EXOC6B: variants seen among roughly 807,000 people sequenced by gnomAD.
The protein encoded by EXOC6B is exocyst complex component 6B, also known as SEC15 homolog B.
Under a neutral mutation model 113.5 loss-of-function variants are expected in EXOC6B, and 54 were observed. That is an observed-to-expected ratio of 0.48 (90% CI 0.38 to 0.60). The LOEUF is 0.60. Ranked by LOEUF, EXOC6B falls within the 20% of genes least tolerant of loss-of-function variation. The pLI is 0.00. For missense variants in EXOC6B, 797 were observed against 977.5 expected (o/e 0.82, Z 2.46); for synonymous variants, 357 against 339.0 (o/e 1.05, Z -0.58).
At chr2:72,783,245 G>T (rs1388221304) in intron 1 of EXOC6B, among the ~76,000 whole-genome samples, 7 of 145,872 alleles carry the variant, frequency 4.8e-5, no homozygotes, top group Non-Finnish European at 7.5e-5. Flanking sequence ...TATATCCATG[G>T]TTTTGATTGC....
intron 19 of EXOC6B, among the ~76,000 whole-genome samples, chr2:72,357,074 G>A (rs114482716): frequency 0.013 from 1,962 of 152,238 alleles, 52 homozygotes; most frequent in African/African-American, 0.045. Flanking sequence ...TGTGTGAATT[G>A]TTGACTTCTG....
At chr2:72,601,481 A>C (rs1417650538) in intron 6 of EXOC6B, among the ~76,000 whole-genome samples, 1 of 152,124 alleles carries the variant, frequency 6.6e-6, no homozygotes, top group Non-Finnish European at 1.5e-5. Context: ...CACCGCGCCC[A>C]GCCTGTATGG....
At chr2:72,807,020 A>C (rs1685619048) in intron 1 of EXOC6B, among the ~76,000 whole-genome samples, 1 of 152,086 alleles carries the variant, frequency 6.6e-6, no homozygotes, top group Non-Finnish European at 1.5e-5. Flanking sequence ...GAAACTCTTT[A>C]GTTTAATTAG....
chr2:72,791,028 G>A (rs528313204), intron 1 of EXOC6B, among the ~76,000 whole-genome samples: 3 of 152,028 alleles, frequency 2.0e-5, no homozygotes, highest in East Asian at 1.9e-4. Context: ...AGTATTCTAC[G>A]GCATTACAGA....
intron 16 of EXOC6B, among the ~76,000 whole-genome samples, chr2:72,486,794 C>T (rs1356880061): frequency 6.6e-6 from 1 of 152,030 alleles, no homozygotes; most frequent in African/African-American, 2.4e-5. Flanking sequence ...TCTGCTACAT[C>T]ACCCATTTTT....
At chr2:72,484,256 C>T (rs763580993) in intron 16 of EXOC6B, among the ~76,000 whole-genome samples, 1 of 151,592 alleles carries the variant, frequency 6.6e-6, no homozygotes, top group Non-Finnish European at 1.5e-5. Flanking sequence ...TTGACCCGTA[C>T]TCTTAAAGAT....
intron 1 of EXOC6B, among the ~76,000 whole-genome samples, chr2:72,816,362 T>A (rs1368859604): frequency 6.6e-6 from 1 of 152,140 alleles, no homozygotes; most frequent in African/African-American, 2.4e-5. Flanking sequence ...CTCTATATAC[T>A]GATATGGACA....
intron 16 of EXOC6B, among the ~76,000 whole-genome samples, chr2:72,491,853 T>TA (rs1699761413): frequency 6.6e-6 from 1 of 152,132 alleles, no homozygotes; most frequent in Admixed American, 6.6e-5. Context: ...CTTTCATACA[T>TA]ATGAGATATC....
intron 18 of EXOC6B, among the ~76,000 whole-genome samples, chr2:72,390,862 G>A (rs1020611098): frequency 1.3e-5 from 2 of 152,124 alleles, no homozygotes; most frequent in African/African-American, 4.8e-5. Flanking sequence ...TTGTTTGTTT[G>A]ATTGTTTGTC....
chr2:72,459,407 G>C (rs554889671), intron 18 of EXOC6B, among the ~76,000 whole-genome samples: 31 of 152,302 alleles, frequency 2.0e-4, no homozygotes, highest in Non-Finnish European at 3.5e-4. Flanking sequence ...AAAAGAGGAA[G>C]TCAAATTGTC....
intron 19 of EXOC6B, among the ~76,000 whole-genome samples, chr2:72,365,019 T>C (rs1192357057): frequency 6.6e-6 from 1 of 152,106 alleles, no homozygotes; most frequent in African/African-American, 2.4e-5. Context: ...TACTAAATAA[T>C]TGGTTAAGAC....
chr2:72,637,653 G>C (rs1465473053), intron 6 of EXOC6B, among the ~76,000 whole-genome samples: 1 of 152,090 alleles, frequency 6.6e-6, no homozygotes, highest in African/African-American at 2.4e-5. Context: ...AGCCAGGCAT[G>C]GTGGCACTCG....
At chr2:72,633,406 T>C (rs1672615558) in intron 6 of EXOC6B, among the ~76,000 whole-genome samples, 1 of 152,066 alleles carries the variant, frequency 6.6e-6, no homozygotes, top group Non-Finnish European at 1.5e-5. Flanking sequence ...ATGTATGCTG[T>C]TGTTGTTGTT....
chr2:72,314,344 T>G (rs1289015754), intron 20 of EXOC6B, among the ~76,000 whole-genome samples: 1 of 152,174 alleles, frequency 6.6e-6, no homozygotes, highest in Non-Finnish European at 1.5e-5. Flanking sequence ...ACAACACACT[T>G]TTCCAATTGG....
At chr2:72,768,590 A>G (rs1355565277) in intron 1 of EXOC6B, among the ~76,000 whole-genome samples, 3 of 147,988 alleles carry the variant, frequency 2.0e-5, no homozygotes, top group Non-Finnish European at 4.5e-5. Flanking sequence ...GAGGCGTGAG[A>G]CACTGTGCCC....
At chr2:72,785,191 C>T (rs1684301387) in intron 1 of EXOC6B, among the ~76,000 whole-genome samples, 1 of 152,210 alleles carries the variant, frequency 6.6e-6, no homozygotes, top group Non-Finnish European at 1.5e-5. Flanking sequence ...GACAGCTCTG[C>T]CCCTGTGGCT....
At chr2:72,236,422 T>C (rs1038764285) in intron 20 of EXOC6B, among the ~76,000 whole-genome samples, 1 of 152,216 alleles carries the variant, frequency 6.6e-6, no homozygotes, top group Non-Finnish European at 1.5e-5. Flanking sequence ...GGCACTGGCT[T>C]GTCATTACTA....
intron 18 of EXOC6B, among the ~76,000 whole-genome samples, chr2:72,400,596 A>G (rs1007800526): frequency 1.3e-5 from 2 of 152,044 alleles, no homozygotes; most frequent in Non-Finnish European, 2.9e-5. Flanking sequence ...ATCAACAAGA[A>G]AAAAATAAAT....
At position 72,401,511 on chromosome 2, in the gene EXOC6B, A is replaced by G. The variant is rs1378299971; in HGVS notation, c.1981-21641T>C. Among the ~76,000 whole-genome samples the G allele has an allele frequency of 2.4e-4, 10 of 41,392 alleles. No homozygotes were observed. In the East Asian group the frequency reaches 2.7e-3, roughly 11 times the overall value. 27.2% of individuals were successfully genotyped at this position (41,392 alleles called of 152,430 possible). ...TTTATATACATATATATATATATAT[A>G]TATACATATATACATATATATATAT... On this transcript the variant is annotated intron_variant, in intron 18 of 21. Transcript: ENST00000272427.
Sources: allele counts gnomAD v4.1 joint callset (sites outside exome capture counted in the v4.1 genomes callset), GRCh38; gene constraint gnomAD v4.1.1; transcripts MANE v1.5; gene names NCBI Gene and HGNC (gene_info 2026-07-23, HGNC 2026-07-21).